Variants in TAOK3 observed in about 807,000 individuals in gnomAD.
TAOK3 encodes TAO kinase 3, also known as serine/threonine-protein kinase TAO3.
A neutral mutation model predicts 120.4 loss-of-function variants in TAOK3; 40 were observed. The observed-to-expected ratio is 0.33, with a 90% CI of 0.26 to 0.43. The LOEUF is 0.43. TAOK3 is among the 20% of genes least tolerant of loss of function. The pLI, the probability that TAOK3 is intolerant of heterozygous loss-of-function variation, is 1.00. For synonymous variants in TAOK3, 355 were observed against 387.5 expected (o/e 0.92, Z 0.99); for missense variants, 821 against 1,112.1 (o/e 0.74, Z 3.72).
chr12:118,274,492 T>C (rs11068894), intron 1 of TAOK3, among the ~76,000 whole-genome samples: 4,531 of 152,264 alleles, frequency 0.03, 192 homozygotes, highest in African/African-American at 0.093. Flanking sequence ...ACTTTATCTA[T>C]GTAGGCTCAA....
At chr12:118,245,996 G>A (rs1353002819) in intron 3 of TAOK3, 2 of 575,760 alleles carry the variant, frequency 3.5e-6, no homozygotes, top group Non-Finnish European at 6.0e-6. Flanking sequence ...CTATAAAGTA[G>A]AATCCAATTT....
intron 1 of TAOK3, among the ~76,000 whole-genome samples, chr12:118,305,030 C>A (rs1019045478): frequency 2.6e-5 from 4 of 152,130 alleles, no homozygotes; most frequent in African/African-American, 9.7e-5. Context: ...CCTAACTAAC[C>A]ATATGGCAGG....
intron 1 of TAOK3, among the ~76,000 whole-genome samples, chr12:118,363,727 A>AGTGTGT (rs552898130): frequency 0.019 from 2,868 of 147,360 alleles, 45 homozygotes; most frequent in South Asian, 0.08. Context: ...TGGTCAAGGC[A>AGTGTGT]GTGTGTGTGT....
intron 3 of TAOK3, among the ~76,000 whole-genome samples, chr12:118,250,691 C>G (rs2040712028): frequency 6.6e-6 from 1 of 152,086 alleles, no homozygotes. Flanking sequence ...TATCTCTCCT[C>G]TAGGAGGATA....
At chr12:118,152,896 T>C (rs2034551818) in intron 19 of TAOK3, 1 of 153,630 alleles carries the variant, frequency 6.5e-6, no homozygotes, top group Non-Finnish European at 1.4e-5. Context: ...TAAATAGTAG[T>C]GGTTATCATT....
chr12:118,259,677 T>G (rs1386155538), intron 2 of TAOK3, among the ~76,000 whole-genome samples: 1 of 152,168 alleles, frequency 6.6e-6, no homozygotes, highest in Non-Finnish European at 1.5e-5. Flanking sequence ...ATGTTTGAGC[T>G]TAATGCCCTG....
At chr12:118,164,912 A>G (rs749647981) in intron 17 of TAOK3, among the ~76,000 whole-genome samples, 6 of 152,208 alleles carry the variant, frequency 3.9e-5, no homozygotes, top group Non-Finnish European at 7.3e-5. Context: ...AGCATCTAGT[A>G]CTAGAGTACA....
intron 9 of TAOK3, among the ~76,000 whole-genome samples, chr12:118,230,231 T>G (rs1008067628): frequency 5.9e-5 from 9 of 152,102 alleles, no homozygotes; most frequent in South Asian, 2.1e-4. Flanking sequence ...TGAGCCATCA[T>G]TTCCCCATTG....
In TAOK3 at chr12:118,205,738, G is replaced by A. The variant is rs190461862; in HGVS notation, c.820-4275C>T. Among the ~76,000 whole-genome samples the A allele has an allele frequency of 2.6e-5, 4 of 152,198 alleles. No homozygotes were observed. The East Asian group carries it at 7.7e-4, about 29-fold the overall frequency. On this transcript the variant is annotated intron_variant, in intron 11 of 20. Transcript: ENST00000392533. ...TGATTCTTGTGCCTCAGCCTCCCCA[G>A]TAGCTGGGATTACAGGCGTGCACCA...
chr12:118,182,625 T>TATATATATA (rs35580550), intron 14 of TAOK3, among the ~76,000 whole-genome samples: 10 of 57,136 alleles, frequency 1.8e-4, no homozygotes, highest in East Asian at 5.0e-4. Context: ...ATATATATAT[T>TATATATATA]TTTTTTTTTT....
chr12:118,219,707 A>G (rs1454780404), intron 9 of TAOK3, among the ~76,000 whole-genome samples: 1 of 134,836 alleles, frequency 7.4e-6, no homozygotes, highest in Non-Finnish European at 1.5e-5. Context: ...TGATGTTCCC[A>G]TTTCTGTCTC....
intron 11 of TAOK3, among the ~76,000 whole-genome samples, chr12:118,207,192 G>A (rs1403367171): frequency 6.6e-6 from 1 of 151,906 alleles, no homozygotes; most frequent in South Asian, 2.1e-4. Flanking sequence ...CGGGCGTGGT[G>A]GCACATGCCT....
At chr12:118,175,872 A>G (rs1275200039) in intron 16 of TAOK3, among the ~76,000 whole-genome samples, 1 of 152,182 alleles carries the variant, frequency 6.6e-6, no homozygotes, top group Non-Finnish European at 1.5e-5. Context: ...AGAACTCCTA[A>G]GTCCACTAGT....
chr12:118,151,014 T>C lies in TAOK3; in HGVS notation c.2680A>G (p.Lys894Glu). 2 of 1,612,358 alleles carry C rather than the reference T, an allele frequency of 1.2e-6. No homozygotes were observed. Among genetic ancestry groups the C allele is most frequent in the Non-Finnish European group, 1.7e-6 (2 of 1,179,774 alleles). Reference protein sequence around the residue: ...FGNLVTLDFPKEDYR With the variant: ...FGNLVTLDFPEEDYR ...ATTTAATCTCATCTGTAGTCCTCCT[T>C]AGGAAAATCTAATGTAACCAAATTC... Residue 894 changes from lysine to glutamate, a missense_variant, in exon 21 of 21, where the codon AAG (lysine) becomes GAG (glutamate). Lys to Glu is a moderately conservative substitution (Grantham distance 56, BLOSUM62 1). Coordinates refer to ENST00000392533, the MANE Select transcript of TAOK3 (RefSeq NM_016281.4).
chr12:118,219,096 C>G (rs2039090875), intron 9 of TAOK3, among the ~76,000 whole-genome samples: 1 of 152,178 alleles, frequency 6.6e-6, no homozygotes, highest in African/African-American at 2.4e-5. Flanking sequence ...CTGGCTACTT[C>G]CAGAGCCCGA....
chr12:118,157,154 C>T (rs1484407743), intron 19 of TAOK3, among the ~76,000 whole-genome samples: 1 of 152,060 alleles, frequency 6.6e-6, no homozygotes, highest in Non-Finnish European at 1.5e-5. Context: ...AATTTAGTAA[C>T]TTCCCCCTTC....
At chr12:118,362,397 T>C (rs988505004) in intron 1 of TAOK3, among the ~76,000 whole-genome samples, 3 of 151,610 alleles carry the variant, frequency 2.0e-5, no homozygotes, top group African/African-American at 4.9e-5. Flanking sequence ...CAAATTTGTG[T>C]TGTGCCCCAT....
chr12:118,354,512 C>G (rs2045312468), intron 1 of TAOK3, among the ~76,000 whole-genome samples: 1 of 152,032 alleles, frequency 6.6e-6, no homozygotes, highest in Non-Finnish European at 1.5e-5. Flanking sequence ...GCCTGTAATC[C>G]CAGCACTTTG....
chr12:118,217,615 C>A (rs1024124506), intron 9 of TAOK3, among the ~76,000 whole-genome samples: 1 of 150,536 alleles, frequency 6.6e-6, no homozygotes, highest in Non-Finnish European at 1.5e-5. Flanking sequence ...ACCCGGGAGG[C>A]GGAGGTTGCA....
Sources: allele counts gnomAD v4.1 joint callset (sites outside exome capture counted in the v4.1 genomes callset), GRCh38; gene constraint gnomAD v4.1.1; transcripts MANE v1.5; gene names NCBI Gene and HGNC (gene_info 2026-07-23, HGNC 2026-07-21).